TUSC3: variants seen among roughly 807,000 people sequenced by gnomAD.
TUSC3 encodes tumor suppressor candidate 3.
A neutral mutation model predicts 44.8 loss-of-function variants in TUSC3; 45 were observed. The ratio of observed to expected loss-of-function variants is 1.00; its 90% CI spans 0.79 to 1.29. The LOEUF (loss-of-function observed/expected upper bound fraction) is 1.29, where lower values mean the gene tolerates loss of function less well. TUSC3 is among the 50% of genes most tolerant of loss of function. The pLI is 0.00. For synonymous variants in TUSC3, 212 were observed against 152.9 expected (o/e 1.39, Z -2.85); for missense variants, 519 against 437.9 (o/e 1.19, Z -1.65).
At chr8:15,748,209 A>G (rs558866102) in intron 8 of TUSC3, among the ~76,000 whole-genome samples, 166 bp from the exon 9 acceptor site, 2 of 152,242 alleles carry the variant, frequency 1.3e-5, no homozygotes, top group South Asian at 4.1e-4. Context: ...GTGGAAAATA[A>G]TGAACACATT....
At chr8:15,829,704 A>T in the TUSC3 span, among the ~76,000 whole-genome samples, 1 of 152,052 alleles carries the variant, frequency 6.6e-6, no homozygotes, top group African/African-American at 2.4e-5. Context: ...AACATTTTCC[A>T]GTGAGTTTTT....
chr8:15,820,407 G>A, the TUSC3 span, among the ~76,000 whole-genome samples: 2 of 150,236 alleles, frequency 1.3e-5, no homozygotes, highest in Non-Finnish European at 3.0e-5. Context: ...CACTTACCAG[G>A]TTCAAGCGAT....
intron 1 of TUSC3, among the ~76,000 whole-genome samples, chr8:15,565,041 A>G (rs1317677118): frequency 2.0e-5 from 3 of 152,170 alleles, no homozygotes; most frequent in Non-Finnish European, 4.4e-5. Flanking sequence ...TCACAAATTT[A>G]GAGGCTTAAA....
At chr8:15,752,899 C>G (rs747344585) in intron 9 of TUSC3, among the ~76,000 whole-genome samples, 13 of 151,942 alleles carry the variant, frequency 8.6e-5, no homozygotes, top group Non-Finnish European at 1.8e-4. Context: ...CTTGTGAGCT[C>G]CAGAAGTTCA....
At chr8:15,779,914 CCTG>C in the TUSC3 span, among the ~76,000 whole-genome samples, 1 of 152,176 alleles carries the variant, frequency 6.6e-6, no homozygotes, top group African/African-American at 2.4e-5. Flanking sequence ...TGCTTGCGTT[CCTG>C]CTAAGATCAG....
At chr8:15,531,387 G>A (rs1385670138) in intron 2 of TUSC3, among the ~76,000 whole-genome samples, 1 of 152,114 alleles carries the variant, frequency 6.6e-6, no homozygotes, top group Admixed American at 6.5e-5. Context: ...GCATAGCTGG[G>A]ATTACAGGCA....
At chr8:15,590,579 C>T (rs555171986) in intron 1 of TUSC3, among the ~76,000 whole-genome samples, 2 of 152,020 alleles carry the variant, frequency 1.3e-5, no homozygotes, top group African/African-American at 2.4e-5. Context: ...TCCCTGAACA[C>T]CACTCTGCCA....
chr8:15,551,316 G>C (rs1477925981), intron 1 of TUSC3, among the ~76,000 whole-genome samples: 1 of 151,634 alleles, frequency 6.6e-6, no homozygotes, highest in African/African-American at 2.4e-5. Flanking sequence ...TATGGTAATA[G>C]AATGATTTAT....
chr8:15,785,707 A>C, the TUSC3 span, among the ~76,000 whole-genome samples: 1 of 152,140 alleles, frequency 6.6e-6, no homozygotes, highest in South Asian at 2.1e-4. Context: ...TAAGGTTATT[A>C]ATGGGCCTCA....
chr8:15,772,282 A>C, the TUSC3 span, among the ~76,000 whole-genome samples: 1 of 152,148 alleles, frequency 6.6e-6, no homozygotes, highest in Non-Finnish European at 1.5e-5. Flanking sequence ...ATATCAAAAA[A>C]ATTGGCCAAC....
intron 1 of TUSC3, among the ~76,000 whole-genome samples, chr8:15,549,013 T>C (rs1801964999): frequency 2.6e-5 from 4 of 151,658 alleles, no homozygotes; most frequent in Admixed American, 6.6e-5. Context: ...TGTTAAATAA[T>C]GTGTGAATCA....
intron 10 of TUSC3, among the ~76,000 whole-genome samples, chr8:15,760,373 C>G (rs193070259): frequency 6.6e-6 from 1 of 152,264 alleles, no homozygotes; most frequent in African/African-American, 2.4e-5. Flanking sequence ...ATGCAGTTAA[C>G]TACATTCTAC....
In TUSC3 at chr8:15,484,970, C is replaced by T. The variant is rs532942765; in HGVS notation, n.189+1487C>T. On this transcript the variant is annotated intron_variant and non_coding_transcript_variant, in intron 2 of 5. Transcript: ENST00000503191. Reference sequence around the variant, plus strand: ...TTGAACTTTGGTTATTTTCTTCTCACAGTATGGCGTATGGTATGGTGTGAG... The same window carrying T: ...TTGAACTTTGGTTATTTTCTTCTCATAGTATGGCGTATGGTATGGTGTGAG... Among the ~76,000 whole-genome samples, 23 of 152,286 alleles carry T rather than the reference C, an allele frequency of 1.5e-4. 1 individual carries two copies. The highest frequency in any genetic ancestry group is 5.1e-4 in the African/African-American group (21 of 41,538).
chr8:15,438,225 G>T (rs1237008052), intron 1 of TUSC3, among the ~76,000 whole-genome samples: 2 of 152,232 alleles, frequency 1.3e-5, no homozygotes, highest in African/African-American at 4.8e-5. Flanking sequence ...CTCCCAAGCA[G>T]CTAGGATTAC....
At chr8:15,457,131 C>T (rs1011177269) in intron 1 of TUSC3, among the ~76,000 whole-genome samples, 14 of 132,878 alleles carry the variant, frequency 1.1e-4, no homozygotes, top group Admixed American at 6.8e-4. Context: ...AACACATGGA[C>T]ACAGGAAGGG....
At position 15,566,491 on chromosome 8, in the gene TUSC3, G is replaced by C. The variant is rs538353746; in HGVS notation, c.138+25923G>C. Among the ~76,000 whole-genome samples, 3 of 152,208 alleles carry C rather than the reference G, an allele frequency of 2.0e-5. No individual in the cohort carries two copies. The South Asian group carries it at 6.2e-4, about 32-fold the overall frequency. On this transcript the variant is annotated intron_variant, in intron 1 of 10. Transcript: ENST00000503731. The stretch of plus-strand genomic sequence containing the variant: ...TGTCACATGGTAACAGCTGCTAAAG[G>C]AAAGAGCTGGACCACAACAACTGAT...
At chr8:15,797,839 C>T in the TUSC3 span, among the ~76,000 whole-genome samples, 19 of 152,288 alleles carry the variant, frequency 1.2e-4, no homozygotes, top group Middle Eastern at 3.4e-3. Flanking sequence ...ACATCCGCAA[C>T]GGCTGACGTG....
At chr8:15,796,012 GTGTT>G in the TUSC3 span, among the ~76,000 whole-genome samples, 1 of 152,184 alleles carries the variant, frequency 6.6e-6, no homozygotes, top group African/African-American at 2.4e-5. Flanking sequence ...TTCCAAGAAT[GTGTT>G]TGTGCCATAC....
chr8:15,689,232 A>G (rs961687444), intron 6 of TUSC3: 2 of 351,192 alleles, frequency 5.7e-6, no homozygotes, highest in South Asian at 2.5e-5. Context: ...GCATCTGCAT[A>G]TATTTTCAGG....
Sources: allele counts gnomAD v4.1 joint callset (sites outside exome capture counted in the v4.1 genomes callset), GRCh38; gene constraint gnomAD v4.1.1; transcripts MANE v1.5; gene names NCBI Gene and HGNC (gene_info 2026-07-23, HGNC 2026-07-21).